Variants in CDH4 observed in about 807,000 individuals in gnomAD.
CDH4 encodes cadherin 4, also known as cadherin-4.
A neutral mutation model predicts 86.0 loss-of-function variants in CDH4; 33 were observed. That is an observed-to-expected ratio of 0.38 (90% CI 0.29 to 0.51). The LOEUF (loss-of-function observed/expected upper bound fraction) is 0.51. CDH4 is among the 20% of genes least tolerant of loss of function. CDH4 has a pLI of 0.86. For synonymous variants in CDH4, 555 were observed against 549.4 expected, an observed-to-expected ratio of 1.01 and a Z score of -0.14; for missense variants, 1,114 against 1,307.4, an observed-to-expected ratio of 0.85 and a Z score of 2.28.
At chr20:61,751,768 G>A (rs1202718694) in intron 3 of CDH4, among the ~76,000 whole-genome samples, 1 of 152,296 alleles carries the variant, frequency 6.6e-6, no homozygotes, top group East Asian at 1.9e-4. Context: ...CCATTTGGGG[G>A]AAAGTTTGCC....
intron 2 of CDH4, among the ~76,000 whole-genome samples, chr20:61,302,399 T>C (rs1323995984): frequency 1.3e-5 from 2 of 152,224 alleles, no homozygotes; most frequent in Non-Finnish European, 1.5e-5. Context: ...GCCAAAGTGA[T>C]GAACAAGCTT....
chr20:61,891,807 A>G (rs1311832769), intron 7 of CDH4, among the ~76,000 whole-genome samples: 1 of 152,122 alleles, frequency 6.6e-6, no homozygotes, highest in Non-Finnish European at 1.5e-5. Flanking sequence ...CCCTGCCCTC[A>G]GTTCACCCTG....
intron 2 of CDH4, among the ~76,000 whole-genome samples, chr20:61,415,669 C>T (rs1341551454): frequency 6.6e-6 from 1 of 152,074 alleles, no homozygotes; most frequent in African/African-American, 2.4e-5. Flanking sequence ...AGCATGATGT[C>T]CTTAAAGTTC....
rs576032124 is a variant in CDH4 at position 61,369,038 on chromosome 20, G to A, written c.169+114101G>A. Among the ~76,000 whole-genome samples, 24 of 152,266 alleles carry A rather than the reference G, an allele frequency of 1.6e-4. No homozygotes were observed. In the South Asian group the frequency reaches 3.9e-3, roughly 25 times the overall value. On this transcript the variant is annotated intron_variant, in intron 2 of 15. Coordinates refer to ENST00000614565, the MANE Select transcript of CDH4 (RefSeq NM_001794.5). ...CAAAGTGAGCAACATTCTGTAGTTCGTAGCCTACTATCGTCAAAAATGCCA... is the reference window on the plus strand; with the variant it reads ...CAAAGTGAGCAACATTCTGTAGTTCATAGCCTACTATCGTCAAAAATGCCA...
In CDH4 at chr20:61,317,358, T is replaced by G. The variant is rs372869678; in HGVS notation, c.169+62421T>G. Among the ~76,000 whole-genome samples, 28 of 152,306 alleles carry G rather than the reference T, an allele frequency of 1.8e-4. No homozygotes were observed. In the East Asian group the frequency reaches 4.3e-3, roughly 23 times the overall value. On this transcript the variant is annotated intron_variant, in intron 2 of 15. Transcript: ENST00000614565. ...CCCGAATAACCTGCTATTTCTAACA[T>G]GGGATAAATTAAGGCGCCTTTGCCA...
At chr20:61,865,271 G>C (rs982615013) in intron 6 of CDH4, among the ~76,000 whole-genome samples, 2 of 152,122 alleles carry the variant, frequency 1.3e-5, no homozygotes, top group African/African-American at 4.8e-5. Flanking sequence ...TCTGGGGATG[G>C]TTAGTGTAGA....
chr20:61,844,589 GGGGATGAATGTCA>G, intron 4 of CDH4, 66 bp from the exon 5 acceptor site: 1 of 1,373,952 alleles, frequency 7.3e-7, no homozygotes, highest in East Asian at 2.4e-5. Context: ...ACTCATGAGA[GGGGATGAATGTCA>G]GAGATCGGCC....
chr20:61,894,997 A>T lies in CDH4; in HGVS notation c.1138A>T (p.Ile380Phe). ...YGLSNTATAIITVTDVNDNPP... is the reference protein window; with the variant it reads ...YGLSNTATAIFTVTDVNDNPP... ...CCTCTCAAACACAGCCACAGCCATC[A>T]TCACGGTGACAGATGTGAATGACAA... The change falls in exon 8 of 16, where the codon ATC (isoleucine) becomes TTC (phenylalanine). Residue 380 changes from isoleucine (I) to phenylalanine (F), a missense_variant. Physicochemically the swap from Ile to Phe is conservative, Grantham distance 21 (BLOSUM62 0). Coordinates refer to ENST00000614565, the MANE Select transcript of CDH4 (RefSeq NM_001794.5). 3 of 1,613,972 alleles carry T rather than the reference A, an allele frequency of 1.9e-6. No individual in the cohort carries two copies. The highest frequency in any genetic ancestry group is 2.5e-6 in the Non-Finnish European group (3 of 1,180,020).
chr20:61,911,036 A>G (rs2054844524), intron 9 of CDH4, among the ~76,000 whole-genome samples: 1 of 152,246 alleles, frequency 6.6e-6, no homozygotes, highest in Non-Finnish European at 1.5e-5. Context: ...ATTTAGGCCT[A>G]TAGCGTCCTC....
At chr20:61,484,786 C>T (rs1193311001) in intron 2 of CDH4, among the ~76,000 whole-genome samples, 1 of 152,172 alleles carries the variant, frequency 6.6e-6, no homozygotes, top group Non-Finnish European at 1.5e-5. Flanking sequence ...AGCAGCCCAG[C>T]CAGGATTTGA....
At chr20:61,735,594 G>T (rs1015788012) in intron 2 of CDH4, among the ~76,000 whole-genome samples, 3 of 152,134 alleles carry the variant, frequency 2.0e-5, no homozygotes, top group East Asian at 1.9e-4. Flanking sequence ...CCCGGCCAGC[G>T]CCTTCGGGGC....
At chr20:61,775,979 AC>A (rs902660421) in intron 4 of CDH4, among the ~76,000 whole-genome samples, 9 of 152,132 alleles carry the variant, frequency 5.9e-5, no homozygotes, top group Admixed American at 2.0e-4. Context: ...GTGTGGCCCC[AC>A]ACACCATCTC....
intron 6 of CDH4, among the ~76,000 whole-genome samples, chr20:61,856,710 C>G (rs1049332201): frequency 3.3e-5 from 5 of 152,252 alleles, no homozygotes; most frequent in African/African-American, 1.2e-4. Context: ...ATGAAATCCC[C>G]TGGGGCACTA....
intron 2 of CDH4, among the ~76,000 whole-genome samples, chr20:61,581,831 T>C (rs2086431129): frequency 6.6e-6 from 1 of 152,188 alleles, no homozygotes; most frequent in Non-Finnish European, 1.5e-5. Flanking sequence ...CTGGAATGCC[T>C]GGAGCCGCTA....
chr20:61,322,281 G>C (rs1475153088), intron 2 of CDH4, among the ~76,000 whole-genome samples: 3 of 152,164 alleles, frequency 2.0e-5, no homozygotes, highest in African/African-American at 7.2e-5. Flanking sequence ...GAGAGGGGAG[G>C]CTGCTAATTC....
intron 9 of CDH4, among the ~76,000 whole-genome samples, chr20:61,919,681 T>A (rs1281143176): frequency 2.0e-5 from 3 of 151,978 alleles, no homozygotes; most frequent in African/African-American, 7.3e-5. Context: ...TTCCAGGCAT[T>A]CCTAGAAGTA....
intron 6 of CDH4, among the ~76,000 whole-genome samples, chr20:61,861,886 G>A (rs531163193): frequency 1.1e-4 from 16 of 152,272 alleles, no homozygotes; most frequent in South Asian, 4.1e-4. Flanking sequence ...AGGTGGGAAC[G>A]CAGGAACCCC....
At chr20:61,354,885 C>G (rs1178046476) in intron 2 of CDH4, among the ~76,000 whole-genome samples, 2 of 152,216 alleles carry the variant, frequency 1.3e-5, no homozygotes, top group East Asian at 3.9e-4. Context: ...CAGGGAGCCT[C>G]TCTCTGGCTG....
chr20:61,481,423 T>C (rs538058273), intron 2 of CDH4, among the ~76,000 whole-genome samples: 1 of 152,334 alleles, frequency 6.6e-6, no homozygotes, highest in South Asian at 2.1e-4. Context: ...AAATAAAATC[T>C]CAGCGTAGGG....
Sources: allele counts gnomAD v4.1 joint callset (sites outside exome capture counted in the v4.1 genomes callset), GRCh38; gene constraint gnomAD v4.1.1; transcripts MANE v1.5; gene names NCBI Gene and HGNC (gene_info 2026-07-23, HGNC 2026-07-21).